NPHP1: variants seen among roughly 807,000 people sequenced by gnomAD.
The protein encoded by NPHP1 is nephrocystin 1.
Under a neutral mutation model 90.4 loss-of-function variants are expected in NPHP1, and 70 were observed. The ratio of observed to expected loss-of-function variants is 0.77; its 90% CI spans 0.64 to 0.95. The LOEUF is 0.95. NPHP1 is among the 40% of genes least tolerant of loss of function. NPHP1 has a pLI of 0.00. For missense variants in NPHP1, 764 were observed against 795.9 expected, an observed-to-expected ratio of 0.96 and a Z score of 0.48; for synonymous variants, 256 against 271.7, an observed-to-expected ratio of 0.94 and a Z score of 0.57.
At chr2:110,178,260 G>T in intron 4 of NPHP1, 163 bp downstream of exon 4, 1 of 683,834 alleles carries the variant, frequency 1.5e-6, no homozygotes, top group Non-Finnish European at 2.4e-6. Context: ...ATCTCTCATG[G>T]GATCTAACAC....
At chr2:110,158,265 T>C (rs1682053875) in intron 11 of NPHP1, among the ~76,000 whole-genome samples, 1 of 152,096 alleles carries the variant, frequency 6.6e-6, no homozygotes, top group South Asian at 2.1e-4. Flanking sequence ...AGAGAAAGTG[T>C]ATTTTACTAT....
chr2:110,128,357 C>T (rs1399636257), intron 18 of NPHP1: 2 of 152,384 alleles, frequency 1.3e-5, no homozygotes, highest in Non-Finnish European at 2.9e-5. Flanking sequence ...CAGCCCCACA[C>T]CGAGACTCAG....
At chr2:110,151,081 G>A (rs1027258515) in intron 11 of NPHP1, among the ~76,000 whole-genome samples, 3 of 149,476 alleles carry the variant, frequency 2.0e-5, no homozygotes, top group Non-Finnish European at 4.4e-5. Context: ...CAGGAGAATC[G>A]CTGGAACCTG....
At chr2:110,164,337 A>G (rs1682554626) in intron 8 of NPHP1, 1 of 603,638 alleles carries the variant, frequency 1.7e-6, no homozygotes, top group African/African-American at 1.9e-5. Flanking sequence ...ATGCCTGGCC[A>G]ATTTCTTACT....
chr2:110,148,540 GC>G (rs1478338084), intron 12 of NPHP1, among the ~76,000 whole-genome samples: 1 of 152,018 alleles, frequency 6.6e-6, no homozygotes, highest in African/African-American at 2.4e-5. Context: ...TATAATAAAA[GC>G]CTTTTAAGAA....
chr2:110,154,967 G>A (rs1023572432), intron 11 of NPHP1, among the ~76,000 whole-genome samples: 2 of 152,116 alleles, frequency 1.3e-5, no homozygotes, highest in African/African-American at 4.8e-5. Context: ...AATGTCTCCA[G>A]AGGATGTCAG....
intron 16 of NPHP1, among the ~76,000 whole-genome samples, chr2:110,136,786 C>T (rs528190208): frequency 6.6e-6 from 1 of 152,256 alleles, no homozygotes; most frequent in South Asian, 2.1e-4. Flanking sequence ...CCCCATCAAG[C>T]TACCAATGAC....
At chr2:110,137,740 G>A (rs1680309655) in intron 16 of NPHP1, among the ~76,000 whole-genome samples, 1 of 151,214 alleles carries the variant, frequency 6.6e-6, no homozygotes, top group Non-Finnish European at 1.5e-5. Context: ...CTGTAAACTA[G>A]TTCAACCATT....
chr2:110,144,231 T>A, intron 15 of NPHP1: 1 of 469,548 alleles, frequency 2.1e-6, no homozygotes, highest in Non-Finnish European at 3.8e-6. Flanking sequence ...GTCACAAGTA[T>A]CAGTTCAGTG....
At chr2:110,161,290 A>T (rs1053590506) in intron 10 of NPHP1, among the ~76,000 whole-genome samples, 1 of 152,176 alleles carries the variant, frequency 6.6e-6, no homozygotes, top group African/African-American at 2.4e-5. Flanking sequence ...AAATAACTTT[A>T]TGTTGGAAGC....
chr2:110,129,141 G>C, intron 18 of NPHP1, 45 bp downstream of exon 18: 1 of 1,440,454 alleles, frequency 6.9e-7, no homozygotes, highest in South Asian at 1.2e-5. Context: ...GTGTATAACT[G>C]CTTCCATAAG....
chr2:110,128,006 A>G (rs1462792103), intron 18 of NPHP1: 1 of 152,176 alleles, frequency 6.6e-6, no homozygotes, highest in East Asian at 1.9e-4. Flanking sequence ...TGCATTATCT[A>G]GCTATAGTGC....
At chr2:110,193,785 A>T (rs1684930737) in intron 2 of NPHP1, among the ~76,000 whole-genome samples, 1 of 152,172 alleles carries the variant, frequency 6.6e-6, no homozygotes, top group African/African-American at 2.4e-5. Flanking sequence ...AATGTAAAAG[A>T]ACAGAAATTA....
At chr2:110,196,855 G>A (rs1685202831) in intron 2 of NPHP1, among the ~76,000 whole-genome samples, 1 of 152,090 alleles carries the variant, frequency 6.6e-6, no homozygotes, top group Admixed American at 6.6e-5. Flanking sequence ...TCCTTTGAAG[G>A]GACATGGATG....
In NPHP1 at chr2:110,169,819, T is replaced by C; in HGVS notation, c.509A>G (p.Asp170Gly). 2 of 1,611,730 alleles carry C rather than the reference T, an allele frequency of 1.2e-6. No individual in the cohort carries two copies. Among genetic ancestry groups the C allele is most frequent in the East Asian group, 4.5e-5 (2 of 44,840 alleles). Residue 170 changes from aspartate to glycine, a missense_variant, in exon 5 of 20, where the codon GAT (aspartate) becomes GGT (glycine). Transcript: ENST00000445609. ...TATTCTACCTACCTTAAATGTAAGA[T>C]CTCCAACTTGCTGAGCAGTAAAATC... Reference protein sequence around the residue: ...VGDFTAQQVGDLTFKKGEILL... With the variant: ...VGDFTAQQVGGLTFKKGEILL...
At chr2:110,199,856 A>G (rs942899011) in intron 2 of NPHP1, among the ~76,000 whole-genome samples, 2 of 152,214 alleles carry the variant, frequency 1.3e-5, no homozygotes, top group Admixed American at 1.3e-4. Context: ...GATAAAAATG[A>G]TACCTAAATG....
At chr2:110,192,465 T>G (rs545490792) in intron 2 of NPHP1, among the ~76,000 whole-genome samples, 158 of 152,084 alleles carry the variant, frequency 1.0e-3, no homozygotes, top group African/African-American at 3.3e-3. Context: ...GAAAAAAGAA[T>G]AAAAAGAAAC....
intron 4 of NPHP1, among the ~76,000 whole-genome samples, chr2:110,171,172 G>A (rs1172769183): frequency 6.6e-6 from 1 of 152,130 alleles, no homozygotes. Context: ...GTGAGGAAGA[G>A]AGAAATGCCA....
At chr2:110,182,264 C>G (rs970617712) in intron 2 of NPHP1, among the ~76,000 whole-genome samples, 1 of 151,724 alleles carries the variant, frequency 6.6e-6, no homozygotes, top group Non-Finnish European at 1.5e-5. Context: ...AGCCAACATT[C>G]AAATTCAGGA....
Sources: allele counts gnomAD v4.1 joint callset (sites outside exome capture counted in the v4.1 genomes callset), GRCh38; gene constraint gnomAD v4.1.1; transcripts MANE v1.5; gene names NCBI Gene and HGNC (gene_info 2026-07-23, HGNC 2026-07-21).